The following DMD variants were observed in gnomAD, a reference collection of about 807,000 sequenced individuals.
DMD encodes dystrophin, also known as mutant dystrophin.
A neutral mutation model predicts 330.1 loss-of-function variants in DMD; 63 were observed. The observed-to-expected ratio is 0.19, with a 90% CI of 0.16 to 0.24. DMD has a LOEUF of 0.24. Among genes scored for constraint, DMD ranks in the 10% least tolerant of loss-of-function variants. The probability of loss-of-function intolerance (pLI) is 1.00; values close to 1 mark genes in which losing one functional copy is unlikely to be tolerated. For synonymous variants in DMD, 1,223 were observed against 959.8 expected, an observed-to-expected ratio of 1.27 and a Z score of -5.07; for missense variants, 3,344 against 2,684.1, an observed-to-expected ratio of 1.25 and a Z score of -5.43.
chrX:32,365,093 T>C lies in DMD; in HGVS notation c.4952A>G (p.Asp1651Gly). 1 of 1,211,104 alleles carries C rather than the reference T, an allele frequency of 8.3e-7. No individual in the cohort carries two copies. The highest frequency in any genetic ancestry group is 1.8e-5 in the South Asian group (1 of 56,978). The change falls in exon 35 of 79, where the codon GAT (aspartate) becomes GGT (glycine). Residue 1651 changes from aspartate (D) to glycine (G), a missense_variant. Physicochemically the swap from Asp to Gly is moderately conservative, Grantham distance 94. Transcript: ENST00000357033. ...VLGKKETLVEDKLSLLNSNWI... is the reference protein window; with the variant it reads ...VLGKKETLVEGKLSLLNSNWI... ...GTTACTATTCAGAAGACTGAGTTTA[T>C]CTTCCACCAACGTCTCCTTCTTGCC... is the stretch of plus-strand genomic sequence containing the variant.
In DMD at chrX:31,146,371, G is replaced by A; in HGVS notation, c.10841C>T (p.Pro3614Leu). 2.5e-6 allele frequency: 3 copies of A among 1,210,430 alleles called. No individual in the cohort carries two copies. Among genetic ancestry groups the A allele is most frequent in the Non-Finnish European group, 3.4e-6 (3 of 894,293 alleles). ...AKVNGTTVSSPSTSLQRSDSS... is the reference protein window; with the variant it reads ...AKVNGTTVSSLSTSLQRSDSS... ...GTCGGACCTCTGTAGAGAGGTAGAA[G>A]GAGAGGACACCGTTGTGCCATTCAC... Residue 3614 changes from proline to leucine, a missense_variant, in exon 76 of 79, where the codon CCT becomes CTT. By Grantham distance (98) the Pro-to-Leu change is moderately conservative (BLOSUM62 -3). Transcript: ENST00000357033.
At chrX:32,611,071 G>C (rs1418127428) in intron 12 of DMD, among the ~76,000 whole-genome samples, 1 of 110,614 alleles carries the variant, frequency 9.0e-6, no homozygotes, top group Non-Finnish European at 1.9e-5. Context: ...CATGTTTCAG[G>C]TTTAAATAAA....
chrX:32,291,294 A>G (rs2097466927), intron 42 of DMD, among the ~76,000 whole-genome samples: 1 of 112,126 alleles, frequency 8.9e-6, no homozygotes, highest in Admixed American at 9.5e-5. Context: ...GCCAACTGTT[A>G]TGACTCCATG....
chrX:32,819,593 A>G (rs1435930007), intron 5 of DMD, among the ~76,000 whole-genome samples: 1 of 112,047 alleles, frequency 8.9e-6, no homozygotes, highest in Non-Finnish European at 1.9e-5. Flanking sequence ...TGAGATGGAC[A>G]GTAGAAAAAC....
chrX:31,765,520 T>C (rs1249501784), intron 51 of DMD, among the ~76,000 whole-genome samples: 1 of 111,975 alleles, frequency 8.9e-6, no homozygotes, highest in Non-Finnish European at 1.9e-5. Context: ...ACAGTCAATA[T>C]ATTTCTAAAG....
chrX:32,756,807 G>A (rs905098040), intron 7 of DMD, among the ~76,000 whole-genome samples: 2 of 111,536 alleles, frequency 1.8e-5, no homozygotes, highest in Non-Finnish European at 3.8e-5. Context: ...GCTGTCACTT[G>A]CCCCATCTAC....
At chrX:31,279,172 T>C (rs1430524755) in intron 62 of DMD, among the ~76,000 whole-genome samples, 2 of 112,287 alleles carry the variant, frequency 1.8e-5, no homozygotes, top group African/African-American at 3.2e-5. Context: ...CAGTATTTCT[T>C]ATATTTTTAA....
In DMD at chrX:32,585,699, C is replaced by CAAAAAAAAAAAAAAAAAAAAAAAAAA. The variant is rs61394183; in HGVS notation, c.1602+10032_1602+10057dup. 3.1e-4 allele frequency among the ~76,000 whole-genome samples: 10 copies of CAAAAAAAAAAAAAAAAAAAAAAAAAA among 31,933 alleles called. 1 individual carries two copies. The highest frequency in any genetic ancestry group is 1.3e-3 in the Admixed American group (2 of 1,489). 27.7% of individuals were successfully genotyped at this position (31,933 alleles called of 115,157 possible). A position where few individuals can be genotyped will look rare whatever the true frequency, so the allele number is the denominator to read the frequency against. On this transcript the variant is annotated intron_variant, in intron 13 of 78. Coordinates refer to ENST00000357033, the MANE Select transcript of DMD (RefSeq NM_004006.3). ...TGGGTGACAGAGCAGGACTCCGTCT[C>CAAAAAAAAAAAAAAAAAAAAAAAAAA]AAAAAAAAAAAAAAAAAAAAAAAAA...
At chrX:32,307,827 T>C (rs369106404) in intron 42 of DMD, among the ~76,000 whole-genome samples, 87 of 111,445 alleles carry the variant, frequency 7.8e-4, no homozygotes, top group African/African-American at 2.6e-3. Flanking sequence ...ATGAAAATGA[T>C]TTTTTCTTAA....
At chrX:32,647,471 A>G (rs1473698785) in intron 9 of DMD, among the ~76,000 whole-genome samples, 1 of 111,607 alleles carries the variant, frequency 9.0e-6, no homozygotes, top group Non-Finnish European at 1.9e-5. Context: ...ATGCAGCAAG[A>G]AGGCAATTTT....
intron 18 of DMD, among the ~76,000 whole-genome samples, chrX:32,506,525 T>TA (rs1176171183): frequency 2.7e-5 from 3 of 110,582 alleles, no homozygotes; most frequent in African/African-American, 9.8e-5. Context: ...GAGTAAAATT[T>TA]AAAAAAAATC....
chrX:32,627,387 T>G (rs1781285927), intron 11 of DMD, among the ~76,000 whole-genome samples: 1 of 104,382 alleles, frequency 9.6e-6, no homozygotes, highest in African/African-American at 4.1e-5. Flanking sequence ...AAATTACAAA[T>G]AAAAAAGAAG....
In DMD at chrX:32,210,551, T is replaced by C. The variant is rs766215653; in HGVS notation, c.6438+6365A>G. On this transcript the variant is annotated intron_variant, in intron 44 of 78. Coordinates refer to ENST00000357033, the MANE Select transcript of DMD (RefSeq NM_004006.3). ...GTAAAAACTGACTATACAGAAAATATACTTGTGTCTGATTTTTTTACATCA... is the reference window on the plus strand; with the variant it reads ...GTAAAAACTGACTATACAGAAAATACACTTGTGTCTGATTTTTTTACATCA... Among the ~76,000 whole-genome samples the C allele has an allele frequency of 6.3e-5, 7 of 111,801 alleles. No homozygotes were observed. In the East Asian group the frequency reaches 1.4e-3, roughly 23 times the overall value.
chrX:32,843,776 G>A lies in DMD; in HGVS notation c.264+1007C>T, dbSNP rs760261267. Reference sequence around the variant, plus strand: ...TTTAGGATGTTAATAAGAAAGGAAGGCTGCCTCCAATGCCATGACACAGGG... The same window carrying A: ...TTTAGGATGTTAATAAGAAAGGAAGACTGCCTCCAATGCCATGACACAGGG... On this transcript the variant is annotated intron_variant, in intron 4 of 78. Transcript: ENST00000357033. 1.4e-4 allele frequency among the ~76,000 whole-genome samples: 16 copies of A among 111,711 alleles called. No individual in the cohort carries two copies. In the South Asian group the frequency reaches 2.3e-3, roughly 16 times the overall value.
chrX:32,787,474 A>G (rs1200069420), intron 7 of DMD, among the ~76,000 whole-genome samples: 3 of 110,459 alleles, frequency 2.7e-5, no homozygotes, highest in Non-Finnish European at 5.7e-5. Context: ...GGGAAATGAC[A>G]GTAGATCCCC....
intron 17 of DMD, among the ~76,000 whole-genome samples, chrX:32,522,825 T>A (rs2046572606): frequency 8.9e-6 from 1 of 112,508 alleles, no homozygotes; most frequent in Non-Finnish European, 1.9e-5. Flanking sequence ...GGGTTGTTAA[T>A]ATAATGCATT....
chrX:31,687,236 C>T (rs762512355), intron 52 of DMD, among the ~76,000 whole-genome samples: 120 of 111,155 alleles, frequency 1.1e-3, no homozygotes, highest in African/African-American at 3.9e-3. Flanking sequence ...CAGCAAATTC[C>T]CAGCTGTGGT....
chrX:32,360,088 T>A (rs1043716457), intron 37 of DMD, among the ~76,000 whole-genome samples: 1 of 111,604 alleles, frequency 9.0e-6, no homozygotes, highest in African/African-American at 3.3e-5. Context: ...CTGGTGAGAT[T>A]ACCTTCTAAA....
rs1289033581 is a variant in DMD, at chrX:31,602,488, T to C, written c.8217+25185A>G. Among the ~76,000 whole-genome samples the C allele has an allele frequency of 3.6e-5, 4 of 111,237 alleles. No homozygotes were observed. The Admixed American group carries it at 3.8e-4, about 11-fold the overall frequency. On this transcript the variant is annotated intron_variant, in intron 55 of 78. Transcript: ENST00000357033. The stretch of plus-strand genomic sequence containing the variant: ...TAAAAAGTACATGGCCCTTAAATTT[T>C]GGCGGTTCCTTTAAAATTTAGTTCA...
Sources: gnomAD v4.1 joint callset for allele counts (sites outside exome capture counted in the v4.1 genomes callset) on GRCh38, gnomAD v4.1.1 for gene constraint, MANE v1.5 for transcripts, NCBI Gene and HGNC (gene_info 2026-07-23, HGNC 2026-07-21) for gene names.